Variants in SFMBT2 observed in about 807,000 individuals in gnomAD.
SFMBT2 encodes the protein Scm like with four mbt domains 2.
A neutral mutation model predicts 110.1 loss-of-function variants in SFMBT2; 38 were observed. The ratio of observed to expected loss-of-function variants is 0.35; its 90% confidence interval spans 0.27 to 0.45. The LOEUF (loss-of-function observed/expected upper bound fraction) is 0.45. Ranked by LOEUF, SFMBT2 falls within the 20% of genes least tolerant of loss-of-function variation. SFMBT2 has a pLI of 1.00. For missense variants in SFMBT2, 1,011 were observed against 1,094.9 expected, an observed-to-expected ratio of 0.92 and a Z score of 1.08; for synonymous variants, 425 against 425.4, an observed-to-expected ratio of 1.00 and a Z score of 0.01.
intron 1 of SFMBT2, among the ~76,000 whole-genome samples, chr10:7,406,015 T>C (rs1251899238): frequency 1.3e-5 from 2 of 151,860 alleles, no homozygotes; most frequent in African/African-American, 4.8e-5. Flanking sequence ...GATATAAGAA[T>C]GGTTAGAAAA....
chr10:7,215,582 T>C (rs1839508070), intron 11 of SFMBT2: 2 of 985,200 alleles, frequency 2.0e-6, no homozygotes, highest in African/African-American at 3.5e-5. Flanking sequence ...CTGGAATCCC[T>C]CCCTAGGCAA....
chr10:7,364,071 C>A (rs956002190), intron 4 of SFMBT2, among the ~76,000 whole-genome samples: 13 of 152,254 alleles, frequency 8.5e-5, no homozygotes, highest in Non-Finnish European at 1.9e-4. Context: ...ATAGATTCTA[C>A]TGTTCCCTCC....
At chr10:7,356,202 C>A (rs1367840343) in intron 4 of SFMBT2, among the ~76,000 whole-genome samples, 1 of 152,166 alleles carries the variant, frequency 6.6e-6, no homozygotes, top group African/African-American at 2.4e-5. Flanking sequence ...GCATGTGATT[C>A]TCTGCGTTCT....
chr10:7,329,492 T>A, intron 4 of SFMBT2: 1 of 985,376 alleles, frequency 1.0e-6, no homozygotes, highest in Non-Finnish European at 1.2e-6. Context: ...GCAAAGAGCA[T>A]GAGCTGGAGG....
At chr10:7,370,463 T>C (rs1235827226) in intron 2 of SFMBT2, 88 bp from the exon 3 acceptor site, 12 of 1,099,010 alleles carry the variant, frequency 1.1e-5, no homozygotes, top group South Asian at 9.0e-5. Flanking sequence ...AAATCCTTCA[T>C]ACAAGACACA....
chr10:7,202,749 T>C, intron 12 of SFMBT2: 1 of 985,436 alleles, frequency 1.0e-6, no homozygotes, highest in Non-Finnish European at 1.2e-6. Flanking sequence ...TTTAATCTTA[T>C]CATTACACTA....
chr10:7,395,670 A>G (rs1408168416), intron 1 of SFMBT2, among the ~76,000 whole-genome samples: 1 of 132,914 alleles, frequency 7.5e-6, no homozygotes, highest in Non-Finnish European at 1.6e-5. Flanking sequence ...TAACCCTTCC[A>G]TTGAGTTTTA....
chr10:7,205,636 A>G (rs970159676), intron 12 of SFMBT2, 179 bp downstream of exon 12: 8 of 985,426 alleles, frequency 8.1e-6, no homozygotes, highest in Non-Finnish European at 8.4e-6. Context: ...TCAACCTGTG[A>G]CATCATCTCA....
chr10:7,407,466 C>T (rs976178319), intron 1 of SFMBT2, among the ~76,000 whole-genome samples: 2 of 152,074 alleles, frequency 1.3e-5, no homozygotes, highest in African/African-American at 2.4e-5. Context: ...ATTGGTTTCC[C>T]ACCAATGGCC....
intron 7 of SFMBT2, among the ~76,000 whole-genome samples, chr10:7,254,156 C>G (rs1840914814): frequency 6.6e-6 from 1 of 152,138 alleles, no homozygotes. Context: ...GTGGCTCACC[C>G]AAGAAAGGCT....
At chr10:7,192,377 A>T (rs1475065412) in intron 15 of SFMBT2, among the ~76,000 whole-genome samples, 1 of 152,140 alleles carries the variant, frequency 6.6e-6, no homozygotes, top group African/African-American at 2.4e-5. Context: ...TGTTACCGAT[A>T]AACTTACGAC....
In SFMBT2 at chr10:7,172,298, A is replaced by C. The variant is rs1837904364; in HGVS notation, c.2152-140T>G. ...GCCAGTGGTCCCACCCGTGGGCCCT[A>C]CGAGGCCCTTCCCAGCCAAAGCAGC... On this transcript the variant is annotated intron_variant, in intron 18 of 20. Coordinates refer to ENST00000397167, the MANE Select transcript of SFMBT2 (RefSeq NM_001387889.1). The surrounding 1 kb of genome is among the most constrained non-coding windows in gnomAD (Gnocchi z 4.6). 2.1e-6 allele frequency: 3 copies of C among 1,452,838 alleles called. No homozygotes were observed. In the South Asian group the frequency reaches 4.3e-5, roughly 21 times the overall value. 90.0% of individuals were successfully genotyped at this position (1,452,838 alleles called of 1,614,324 possible).
chr10:7,400,227 A>G (rs1286608424), intron 1 of SFMBT2, among the ~76,000 whole-genome samples: 1 of 152,216 alleles, frequency 6.6e-6, no homozygotes, highest in African/African-American at 2.4e-5. Context: ...TCACAGCGGT[A>G]GAGGGAGGAA....
chr10:7,370,294 G>A lies in SFMBT2; in HGVS notation c.182C>T (p.Thr61Ile), dbSNP rs777960648. 1 of 1,613,952 alleles carries A rather than the reference G, an allele frequency of 6.2e-7. No homozygotes were observed. The highest frequency in any genetic ancestry group is 1.1e-5 in the South Asian group (1 of 91,078). Residue 61 changes from threonine (T) to isoleucine (I), a missense_variant, in exon 3 of 21, where the codon ACA (threonine) becomes ATA (isoleucine). By Grantham distance (89) the Thr-to-Ile change is moderately conservative (BLOSUM62 -1). This residue lies in a region of SFMBT2 where 979 missense variants were observed against 1,016.1 expected (regional missense o/e 0.96). Coordinates refer to ENST00000397167, the MANE Select transcript of SFMBT2 (RefSeq NM_001387889.1). ...TGCTTTACATACGTGTTTGAATGAT[G>A]TGTGGGGAGCAGCACTTGCTCCTGT... ...EETGASAAPH[T>I]SFKHVEISIQ...
chr10:7,247,086 C>T (rs1371007371), intron 8 of SFMBT2, among the ~76,000 whole-genome samples: 1 of 152,058 alleles, frequency 6.6e-6, no homozygotes, highest in Non-Finnish European at 1.5e-5. Flanking sequence ...TTTAAATAAC[C>T]TTAAATATTT....
At position 7,364,092 on chromosome 10, in the gene SFMBT2, C is replaced by T. The variant is rs143655429; in HGVS notation, c.436+3557G>A. ...TCTACTGTTCCCTCCGGAACAACTG[C>T]CGCCTCTGGCTACAAAGCAATAATT... On this transcript the variant is annotated intron_variant, in intron 4 of 20. Coordinates refer to ENST00000397167, the MANE Select transcript of SFMBT2 (RefSeq NM_001387889.1). Among the ~76,000 whole-genome samples the T allele has an allele frequency of 2.7e-3, 418 of 152,326 alleles. 2 individuals carry two copies. The highest frequency in any genetic ancestry group is 9.6e-3 in the African/African-American group (401 of 41,560).
At chr10:7,175,024 G>A (rs554312879) in intron 17 of SFMBT2, among the ~76,000 whole-genome samples, 72 of 152,306 alleles carry the variant, frequency 4.7e-4, no homozygotes, top group African/African-American at 1.3e-3. Context: ...TCTGCACAGC[G>A]TTTCCAGTAC....
At chr10:7,304,910 G>C (rs1842650200) in intron 4 of SFMBT2, among the ~76,000 whole-genome samples, 1 of 152,134 alleles carries the variant, frequency 6.6e-6, no homozygotes. Flanking sequence ...GAAGAAACAG[G>C]ACAGTTGCAC....
At position 7,350,866 on chromosome 10, in the gene SFMBT2, T is replaced by G. The variant is rs548597495; in HGVS notation, c.436+16783A>C. ...TTTTTGGAGGATTGAGTGCCATAAA[T>G]CAATTATTCTGCTTTACTATGCAAT... On this transcript the variant is annotated intron_variant, in intron 4 of 20. Transcript: ENST00000397167. Among the ~76,000 whole-genome samples, 7 of 152,300 alleles carry G rather than the reference T, an allele frequency of 4.6e-5. No homozygotes were observed. In the South Asian group the frequency reaches 1.4e-3, roughly 32 times the overall value.
Sources: allele counts gnomAD v4.1 joint callset (sites outside exome capture counted in the v4.1 genomes callset), GRCh38; gene constraint gnomAD v4.1.1; regional missense constraint gnomAD v4.1.1; non-coding constraint Gnocchi (gnomAD v3.1); transcripts MANE v1.5; gene names NCBI Gene and HGNC (gene_info 2026-07-23, HGNC 2026-07-21).